The following HTR4 variants were observed in gnomAD, a reference collection of about 807,000 sequenced individuals.
HTR4 encodes 5-hydroxytryptamine receptor 4, also known as 5-hydroxytryptamine (serotonin) receptor 4, G protein-coupled.
A neutral mutation model predicts 36.8 loss-of-function variants in HTR4; 16 were observed. The ratio of observed to expected loss-of-function variants is 0.43; its 90% confidence interval spans 0.29 to 0.66. HTR4 has a LOEUF of 0.66. HTR4 is among the 30% of genes least tolerant of loss of function. HTR4 has a pLI of 0.13. For synonymous variants in HTR4, 189 were observed against 185.1 expected (o/e 1.02, Z -0.17); for missense variants, 438 against 490.9 (o/e 0.89, Z 1.02).
intron 5 of HTR4, among the ~76,000 whole-genome samples, chr5:148,468,824 T>C (rs567462489): frequency 2.0e-5 from 3 of 152,308 alleles, no homozygotes; most frequent in African/African-American, 7.2e-5. Flanking sequence ...AATTGAATCA[T>C]AGAAGCAGTT....
chr5:148,474,509 G>A (rs1275909979), downstream of HTR4, among the ~76,000 whole-genome samples: 2 of 152,084 alleles, frequency 1.3e-5, no homozygotes, highest in African/African-American at 4.8e-5. Flanking sequence ...AGACTAAATC[G>A]AAATTAAATT....
At chr5:148,532,344 C>T (rs1216881083) in intron 4 of HTR4, among the ~76,000 whole-genome samples, 1 of 152,222 alleles carries the variant, frequency 6.6e-6, no homozygotes, top group African/African-American at 2.4e-5. Flanking sequence ...ATGAGGACAG[C>T]AATGTTTGCC....
At chr5:148,580,967 C>T (rs980512857) in intron 2 of HTR4, among the ~76,000 whole-genome samples, 4 of 151,604 alleles carry the variant, frequency 2.6e-5, no homozygotes, top group African/African-American at 4.8e-5. Flanking sequence ...GCAGCAGTAC[C>T]GTTTTACATT....
Position 148,612,857 on chromosome 5 carries a change from G to A in HTR4, c.26+24132C>T, listed in dbSNP as rs1250599815. ...AAATGATAAAGGGGATATCACCACCGATCCCACAGAAATACAAACTACCAT... is the reference window on the plus strand; with the variant it reads ...AAATGATAAAGGGGATATCACCACCAATCCCACAGAAATACAAACTACCAT... On this transcript the variant is annotated intron_variant, in intron 2 of 6. Coordinates refer to ENST00000377888, the MANE Select transcript of HTR4 (RefSeq NM_000870.7). Among the ~76,000 whole-genome samples the A allele has an allele frequency of 1.9e-4, 27 of 144,014 alleles. No individual in the cohort carries two copies. The East Asian group carries it at 4.2e-3, about 22-fold the overall frequency. The allele number at this position is 144,014 out of a possible 152,430, so 94.5% of individuals were successfully genotyped here.
intron 2 of HTR4, among the ~76,000 whole-genome samples, chr5:148,575,823 C>A (rs1455055958): frequency 6.6e-6 from 1 of 151,792 alleles, no homozygotes; most frequent in Non-Finnish European, 1.5e-5. Context: ...AAAACCGGCC[C>A]AAGACAAGGA....
chr5:148,456,499 C>T (rs1196121911), intron 5 of HTR4, among the ~76,000 whole-genome samples: 3 of 152,074 alleles, frequency 2.0e-5, no homozygotes, highest in Non-Finnish European at 2.9e-5. Context: ...GCAGGCAAAC[C>T]GAATAGCATT....
At chr5:148,550,048 C>T in intron 3 of HTR4, 89 bp downstream of exon 3, 2 of 1,343,428 alleles carry the variant, frequency 1.5e-6, no homozygotes, top group Non-Finnish European at 2.0e-6. Flanking sequence ...TTCTTAATTA[C>T]AAATTCTAAT....
chr5:148,530,729 G>T (rs1758522317), intron 4 of HTR4, among the ~76,000 whole-genome samples: 1 of 152,170 alleles, frequency 6.6e-6, no homozygotes, highest in Non-Finnish European at 1.5e-5. Context: ...TCCACCAACA[G>T]CTTGCACTGT....
At chr5:148,579,389 C>T (rs990669324) in intron 2 of HTR4, among the ~76,000 whole-genome samples, 3 of 152,000 alleles carry the variant, frequency 2.0e-5, no homozygotes, top group Non-Finnish European at 4.4e-5. Flanking sequence ...TAATTCCCTA[C>T]GTTAAGAGAG....
chr5:148,545,573 A>C (rs78932366), intron 4 of HTR4, among the ~76,000 whole-genome samples: 2,341 of 152,338 alleles, frequency 0.015, 23 homozygotes, highest in Middle Eastern at 0.048. Flanking sequence ...GTCAGCGAAG[A>C]CTTCTGCAAA....
intron 5 of HTR4, chr5:148,521,109 C>T (rs1757992497): frequency 9.6e-7 from 1 of 1,038,170 alleles, no homozygotes; most frequent in South Asian, 1.5e-5. Context: ...ACCACTTCTA[C>T]AGCAAGTGCC....
intron 5 of HTR4, chr5:148,521,061 C>T (rs1234111881): frequency 4.5e-6 from 6 of 1,326,972 alleles, no homozygotes; most frequent in African/African-American, 1.5e-5. Flanking sequence ...TTAATCTCTC[C>T]TCTCCACTCC....
intron 6 of HTR4, among the ~76,000 whole-genome samples, chr5:148,500,040 T>A (rs1372178291): frequency 6.6e-6 from 1 of 152,150 alleles, no homozygotes; most frequent in Admixed American, 6.6e-5. Flanking sequence ...CCTCTTTTCC[T>A]TGTAAATTAC....
At chr5:148,593,156 T>C (rs978820748) in intron 2 of HTR4, among the ~76,000 whole-genome samples, 1 of 152,214 alleles carries the variant, frequency 6.6e-6, no homozygotes, top group Non-Finnish European at 1.5e-5. Flanking sequence ...TACTCCCATA[T>C]AGTTTTCCAT....
At chr5:148,581,712 C>A (rs1761142393) in intron 2 of HTR4, among the ~76,000 whole-genome samples, 1 of 151,996 alleles carries the variant, frequency 6.6e-6, no homozygotes, top group African/African-American at 2.4e-5. Flanking sequence ...ATTTTTATGC[C>A]AGTCTCAAAC....
At chr5:148,592,823 G>C (rs970822326) in intron 2 of HTR4, among the ~76,000 whole-genome samples, 1 of 151,836 alleles carries the variant, frequency 6.6e-6, no homozygotes, top group Non-Finnish European at 1.5e-5. Context: ...ATTTATCTCT[G>C]TACTACCACT....
chr5:148,490,489 T>C, intron 6 of HTR4: 2 of 740,002 alleles, frequency 2.7e-6, no homozygotes, highest in Non-Finnish European at 3.3e-6. Flanking sequence ...CTGGCTGAAA[T>C]AGAGTTTGCT....
chr5:148,503,913 G>A (rs1757055040), intron 6 of HTR4, among the ~76,000 whole-genome samples: 1 of 152,180 alleles, frequency 6.6e-6, no homozygotes, highest in African/African-American at 2.4e-5. Context: ...TTAAATAATG[G>A]TAAAGGGATC....
At chr5:148,595,053 C>A (rs1452441896) in intron 2 of HTR4, among the ~76,000 whole-genome samples, 3 of 150,884 alleles carry the variant, frequency 2.0e-5, no homozygotes, top group Non-Finnish European at 4.4e-5. Flanking sequence ...AAGAAATAAC[C>A]ATTGTTATAC....
Sources: allele counts gnomAD v4.1 joint callset (sites outside exome capture counted in the v4.1 genomes callset), GRCh38; gene constraint gnomAD v4.1.1; transcripts MANE v1.5; gene names NCBI Gene and HGNC (gene_info 2026-07-23, HGNC 2026-07-21).